The following MCF2 variants were observed in gnomAD, a reference collection of about 807,000 sequenced individuals.
MCF2 encodes the protein MCF.2 cell line derived transforming sequence, also known as proto-oncogene DBL.
MCF2 carries 44 observed loss-of-function variants against 82.5 expected under a neutral mutation model. The observed-to-expected ratio is 0.53, with a 90% confidence interval of 0.42 to 0.69. MCF2 has a LOEUF of 0.69. MCF2 is among the 30% of genes least tolerant of loss of function. MCF2 has a pLI of 0.00. For missense variants in MCF2, 623 were observed against 663.1 expected (o/e 0.94, Z 0.66); for synonymous variants, 217 against 224.9 (o/e 0.96, Z 0.32).
At chrX:139,671,111 C>A (rs889375990) in intron 1 of MCF2, among the ~76,000 whole-genome samples, 1 of 112,204 alleles carries the variant, frequency 8.9e-6, no homozygotes, top group African/African-American at 3.2e-5. Flanking sequence ...TAAATGTCTT[C>A]TTTTGAGAAG....
intron 1 of MCF2, among the ~76,000 whole-genome samples, chrX:139,666,751 C>A (rs897205019): frequency 8.9e-6 from 1 of 111,841 alleles, no homozygotes; most frequent in African/African-American, 3.2e-5. Flanking sequence ...CACCTAAAAT[C>A]TCTTGCTAGG....
Position 139,695,276 on chromosome X carries a change from C to T in MCF2, c.-45+12830G>A, listed in dbSNP as rs769692529. Reference sequence around the variant, plus strand: ...AACTCCTGACCTAAGGTGATCTGCCCGCCTCGGCCTCCCAAAGTGTTGAGA... The same window carrying T: ...AACTCCTGACCTAAGGTGATCTGCCTGCCTCGGCCTCCCAAAGTGTTGAGA... On this transcript the variant is annotated intron_variant, in intron 1 of 27. Coordinates refer to the MCF2 transcript ENST00000414978. Among the ~76,000 whole-genome samples, 7 of 111,265 alleles carry T rather than the reference C, an allele frequency of 6.3e-5. No homozygotes were observed. The South Asian group carries it at 1.2e-3, about 18-fold the overall frequency.
chrX:139,608,941 C>A (rs1295238491), intron 11 of MCF2, among the ~76,000 whole-genome samples: 3 of 111,730 alleles, frequency 2.7e-5, no homozygotes, highest in African/African-American at 6.5e-5. Flanking sequence ...CAGTATAGAC[C>A]ATTCACTAGG....
intron 19 of MCF2, among the ~76,000 whole-genome samples, chrX:139,596,041 C>T (rs1930061480): frequency 9.0e-6 from 1 of 111,377 alleles, no homozygotes; most frequent in Non-Finnish European, 1.9e-5. Flanking sequence ...GCTTTGAACA[C>T]CCAGGTAGGG....
exon 5 of MCF2, chrX:139,626,656 C>G: frequency 1.7e-6 from 2 of 1,208,746 alleles, no homozygotes; most frequent in Admixed American, 2.2e-5. Context: ...ACTTATTTGC[C>G]GATGACATTC....
chrX:139,614,902 G>A (rs915344335), exon 10 of MCF2: 3 of 1,204,288 alleles, frequency 2.5e-6, no homozygotes, highest in Non-Finnish European at 3.4e-6. Flanking sequence ...GAAAAAAATG[G>A]TGTCCCAGAT....
chrX:139,619,743 A>C (rs1932194734), intron 6 of MCF2, 37 bp from the exon 10 acceptor site: 1 of 1,047,077 alleles, frequency 9.6e-7, no homozygotes, highest in African/African-American at 1.9e-5. Context: ...AAAAACATAA[A>C]ATTTATCCCC....
chrX:139,604,672 TTAAC>T lies in MCF2; in HGVS notation c.1743+5_1743+8del, dbSNP rs1930840152. The T allele has an allele frequency of 4.4e-6, 5 of 1,128,933 alleles. No individual in the cohort carries two copies. Among genetic ancestry groups the T allele is most frequent in the African/African-American group, 1.9e-5 (1 of 53,900 alleles). The allele number at this position is 1,128,933 out of a possible 1,213,427, so 93.0% of individuals were successfully genotyped here. On this transcript the variant is annotated splice_donor_5th_base_variant and intron_variant, in intron 15 of 24. Coordinates refer to ENST00000370576, the Ensembl canonical transcript of MCF2. ...TATTTATATATATTTAAAAAATAAT[TTAAC>T]TAACCCTTTCCAGGAAACAAGGTCC...
At chrX:139,675,164 T>C (rs1179577779) in intron 1 of MCF2, among the ~76,000 whole-genome samples, 1 of 112,272 alleles carries the variant, frequency 8.9e-6, no homozygotes, top group Non-Finnish European at 1.9e-5. Flanking sequence ...GGTTTTCAGC[T>C]CGTCAGGTCA....
Position 139,607,668 on chromosome X carries a change from T to A in MCF2, c.1490+23A>T, listed in dbSNP as rs202237436. 116 of 1,074,668 alleles carry A rather than the reference T, an allele frequency of 1.1e-4. No individual in the cohort carries two copies. The African/African-American group carries it at 1.9e-3, about 18-fold the overall frequency. The allele number at this position is 1,074,668 out of a possible 1,213,427, so 88.6% of individuals were successfully genotyped here. ...CCCACAGTTAGATGTGTATGTGAGT[T>A]TATATTAATAAATAAAGGATACTTC... is the stretch of plus-strand genomic sequence containing the variant. On this transcript the variant is annotated intron_variant, in intron 12 of 24. Coordinates refer to ENST00000370576, the Ensembl canonical transcript of MCF2.
At chrX:139,629,177 A>G (rs1569368419) in intron 4 of MCF2, among the ~76,000 whole-genome samples, 1 of 112,390 alleles carries the variant, frequency 8.9e-6, no homozygotes, top group African/African-American at 3.2e-5. Context: ...CACCTAGGCT[A>G]CAGGGTATAG....
intron 23 of MCF2, among the ~76,000 whole-genome samples, chrX:139,585,524 T>C (rs1227167422): frequency 9.0e-6 from 1 of 111,638 alleles, no homozygotes; most frequent in East Asian, 2.8e-4. Flanking sequence ...TCATTACCTT[T>C]TTCTCCTCAA....
At chrX:139,620,027 G>GTGTGTGTATA (rs1308473149) in intron 6 of MCF2, among the ~76,000 whole-genome samples, 3 of 100,401 alleles carry the variant, frequency 3.0e-5, no homozygotes, top group African/African-American at 1.2e-4. Flanking sequence ...GTGTGTGTGT[G>GTGTGTGTATA]TATATATATA....
intron 1 of MCF2, among the ~76,000 whole-genome samples, chrX:139,679,063 A>T (rs923577013): frequency 1.3e-4 from 15 of 112,698 alleles, no homozygotes; most frequent in Non-Finnish European, 3.7e-5. Flanking sequence ...AAAATCAGTT[A>T]GATGTGGCAA....
chrX:139,674,888 A>T (rs772895116), intron 1 of MCF2, among the ~76,000 whole-genome samples: 2 of 112,045 alleles, frequency 1.8e-5, no homozygotes, highest in African/African-American at 6.5e-5. Context: ...AGGTTGGGGA[A>T]GTTCTCCTGG....
chrX:139,677,633 A>G (rs911742122), intron 1 of MCF2, among the ~76,000 whole-genome samples: 1 of 111,482 alleles, frequency 9.0e-6, no homozygotes, highest in African/African-American at 3.3e-5. Flanking sequence ...CACCACTCCC[A>G]TCTTTTCCCC....
intron 1 of MCF2, among the ~76,000 whole-genome samples, chrX:139,637,399 C>A (rs189836521): frequency 1.8e-5 from 2 of 112,011 alleles, no homozygotes; most frequent in Admixed American, 1.9e-4. Context: ...AATTTTTAAT[C>A]CCACTCCCAT....
exon 20 of MCF2, chrX:139,589,911 A>G: frequency 8.6e-7 from 1 of 1,165,484 alleles, no homozygotes; most frequent in Admixed American, 2.5e-5. Context: ...ATATTCAGTG[A>G]TTCCAACTTC....
At chrX:139,613,732 T>C (rs1454688312) in intron 10 of MCF2, among the ~76,000 whole-genome samples, 2 of 111,313 alleles carry the variant, frequency 1.8e-5, no homozygotes, top group Non-Finnish European at 3.8e-5. Flanking sequence ...TCGGGTTTTA[T>C]CCCCTTACTG....
Sources: allele counts gnomAD v4.1 joint callset (sites outside exome capture counted in the v4.1 genomes callset), GRCh38; gene constraint gnomAD v4.1.1; transcripts MANE v1.5; gene names NCBI Gene and HGNC (gene_info 2026-07-23, HGNC 2026-07-21).